Variants in CSMD2 observed in about 807,000 individuals in gnomAD.
CSMD2 encodes the protein CUB and sushi domain-containing protein 2.
In CSMD2, 130 loss-of-function variants were observed where a neutral mutation model predicts 398.5. The observed-to-expected ratio is 0.33, with a 90% CI of 0.28 to 0.38. The LOEUF is 0.38. Ranked by LOEUF, CSMD2 falls within the 10% of genes least tolerant of loss-of-function variation. CSMD2 has a pLI of 1.00. For synonymous variants in CSMD2, 1,828 were observed against 1,908.5 expected, an observed-to-expected ratio of 0.96 and a Z score of 1.10; for missense variants, 3,829 against 4,764.9, an observed-to-expected ratio of 0.80 and a Z score of 5.78.
At chr1:33,724,785 G>T in intron 17 of CSMD2, 81 bp from the exon 18 acceptor site, 1 of 1,317,056 alleles carries the variant, frequency 7.6e-7, no homozygotes, top group Non-Finnish European at 1.1e-6. Flanking sequence ...AGAGTAAGAA[G>T]AGAGCCCTGG....
chr1:33,831,862 C>T (rs1297350532), intron 6 of CSMD2, among the ~76,000 whole-genome samples: 1 of 151,650 alleles, frequency 6.6e-6, no homozygotes, highest in East Asian at 1.9e-4. Flanking sequence ...GGTTGCAATC[C>T]TAGTCTCTGA....
chr1:33,628,836 C>T (rs2987784), intron 32 of CSMD2, among the ~76,000 whole-genome samples: 26,925 of 151,842 alleles, frequency 0.18, 3,376 homozygotes, highest in African/African-American at 0.35. Context: ...AAGAAAATCA[C>T]ATAGACAGAA....
At chr1:33,981,187 T>C (rs1646152483) in intron 3 of CSMD2, among the ~76,000 whole-genome samples, 1 of 152,142 alleles carries the variant, frequency 6.6e-6, no homozygotes, top group South Asian at 2.1e-4. Flanking sequence ...TCTGGTTGTT[T>C]TGCAGTCCTT....
chr1:33,863,060 A>T, intron 5 of CSMD2: 1 of 151,704 alleles, frequency 6.6e-6, no homozygotes, highest in East Asian at 1.9e-4. Context: ...CAAAATCCAC[A>T]CTCTCACCTG....
At chr1:33,993,410 T>G (rs1646625406) in intron 3 of CSMD2, among the ~76,000 whole-genome samples, 1 of 152,184 alleles carries the variant, frequency 6.6e-6, no homozygotes, top group African/African-American at 2.4e-5. Flanking sequence ...GCCACTGATT[T>G]CCACTTGCCT....
chr1:33,866,652 G>T (rs1396462371), intron 5 of CSMD2, among the ~76,000 whole-genome samples: 2 of 151,964 alleles, frequency 1.3e-5, no homozygotes, highest in African/African-American at 4.8e-5. Flanking sequence ...TTTCCTCCTG[G>T]TCTCACCCCT....
chr1:33,902,664 A>G (rs1400230581), intron 5 of CSMD2, among the ~76,000 whole-genome samples: 1 of 152,196 alleles, frequency 6.6e-6, no homozygotes, highest in Non-Finnish European at 1.5e-5. Context: ...AGCTTTCGCT[A>G]AGTATCCCCC....
In CSMD2 at chr1:33,540,632, C is replaced by T. The variant is rs1291202277; in HGVS notation, c.9524G>A (p.Gly3175Asp). The change falls in exon 60 of 71, where the codon GGC (glycine) becomes GAC (aspartate). Residue 3175 changes from glycine to aspartate, a missense_variant. By Grantham distance (94) the Gly-to-Asp change is moderately conservative (BLOSUM62 -1). Transcript: ENST00000373381. Reference protein sequence around the residue: ...GKVVGSDFMWGSSVTYACLEG... With the variant: ...GKVVGSDFMWDSSVTYACLEG... ...CAGGCAGGCATAAGTCACACTTGAGCCCCACATGAAGTCAGACCCCACCAC... is the reference window on the plus strand; with the variant it reads ...CAGGCAGGCATAAGTCACACTTGAGTCCCACATGAAGTCAGACCCCACCAC... The T allele has an allele frequency of 6.2e-7, 1 of 1,614,194 alleles. No individual in the cohort carries two copies. The highest frequency in any genetic ancestry group is 8.5e-7 in the Non-Finnish European group (1 of 1,180,038).
At chr1:33,907,258 A>AGCTGGCGAGTAG (rs1643152335) in intron 5 of CSMD2, among the ~76,000 whole-genome samples, 21 of 151,250 alleles carry the variant, frequency 1.4e-4, no homozygotes, top group Admixed American at 5.9e-4. Flanking sequence ...AGCTGGGACC[A>AGCTGGCGAGTAG]CAGGCGTCTG....
At chr1:33,749,459 A>G (rs10914773) in intron 13 of CSMD2, among the ~76,000 whole-genome samples, 45,599 of 152,030 alleles carry the variant, frequency 0.3, 8,423 homozygotes, top group African/African-American at 0.53. Flanking sequence ...GAGAAAATTC[A>G]TAGCTTTATT....
chr1:33,706,814 T>G (rs201480341), intron 22 of CSMD2, among the ~76,000 whole-genome samples: 14 of 151,230 alleles, frequency 9.3e-5, no homozygotes, highest in Admixed American at 6.6e-4. Flanking sequence ...GTGCATGTGT[T>G]TGTGCGTGCG....
intron 64 of CSMD2, among the ~76,000 whole-genome samples, 156 bp downstream of exon 64, chr1:33,532,894 T>C (rs1230575600): frequency 1.3e-5 from 2 of 152,252 alleles, no homozygotes; most frequent in Non-Finnish European, 2.9e-5. Context: ...ACCGCTCTGC[T>C]TTGCTCTTCT....
chr1:33,671,433 C>T (rs1040498900), intron 25 of CSMD2, among the ~76,000 whole-genome samples: 1 of 152,050 alleles, frequency 6.6e-6, no homozygotes, highest in Non-Finnish European at 1.5e-5. Context: ...GTGGGGCTGC[C>T]CTGAAATTCT....
At chr1:33,866,598 G>A (rs1570329573) in intron 5 of CSMD2, among the ~76,000 whole-genome samples, 1 of 152,178 alleles carries the variant, frequency 6.6e-6, no homozygotes, top group Non-Finnish European at 1.5e-5. Flanking sequence ...AGATATAAGT[G>A]CTCTCAGTTT....
chr1:33,580,995 C>T, intron 47 of CSMD2, 96 bp from the exon 48 acceptor site: 1 of 1,216,152 alleles, frequency 8.2e-7, no homozygotes, highest in Non-Finnish European at 1.1e-6. Context: ...GTGACTTGTT[C>T]AGAGTCAGCA....
chr1:33,708,230 A>G (rs1317310568), intron 22 of CSMD2, among the ~76,000 whole-genome samples: 1 of 152,074 alleles, frequency 6.6e-6, no homozygotes, highest in Non-Finnish European at 1.5e-5. Context: ...CTTCCCTTAC[A>G]TATGTCTCAA....
chr1:33,789,142 C>A lies in CSMD2; in HGVS notation c.1551-430G>T, dbSNP rs781769702. 5.3e-4 allele frequency among the ~76,000 whole-genome samples: 81 copies of A among 152,166 alleles called. 1 individual carries two copies. The highest frequency in any genetic ancestry group is 3.2e-4 in the Non-Finnish European group (22 of 68,038). On this transcript the variant is annotated intron_variant, in intron 11 of 70. Transcript: ENST00000373381. Reference sequence around the variant, plus strand: ...CTTGCTGTCTTTATGTGGGTTTCCCCTCACAGAAACCCATTTCTCCAGTTG... The same window carrying A: ...CTTGCTGTCTTTATGTGGGTTTCCCATCACAGAAACCCATTTCTCCAGTTG...
intron 14 of CSMD2, among the ~76,000 whole-genome samples, chr1:33,742,488 C>G (rs1647102605): frequency 6.6e-6 from 1 of 151,998 alleles, no homozygotes; most frequent in South Asian, 2.1e-4. Context: ...TTGTCATCAG[C>G]CAAGTCCACT....
At chr1:33,641,281 C>G (rs1483232484) in intron 29 of CSMD2, among the ~76,000 whole-genome samples, 2 of 152,182 alleles carry the variant, frequency 1.3e-5, no homozygotes, top group East Asian at 1.9e-4. Flanking sequence ...CAACACCCAG[C>G]AGAGGGCATG....
Sources: allele counts gnomAD v4.1 joint callset (sites outside exome capture counted in the v4.1 genomes callset), GRCh38; gene constraint gnomAD v4.1.1; transcripts MANE v1.5; gene names NCBI Gene and HGNC (gene_info 2026-07-23, HGNC 2026-07-21).